CTBP2: variants seen among roughly 807,000 people sequenced by gnomAD.
The protein encoded by CTBP2 is C-terminal binding protein 2.
A neutral mutation model predicts 80.3 loss-of-function variants in CTBP2; 30 were observed. The ratio of observed to expected loss-of-function variants is 0.37; its 90% CI spans 0.28 to 0.51. The LOEUF (loss-of-function observed/expected upper bound fraction) is 0.51. Among genes scored for constraint, CTBP2 ranks in the 20% least tolerant of loss-of-function variants. The probability of loss-of-function intolerance (pLI) is 0.93; values close to 1 mark genes in which losing one functional copy is unlikely to be tolerated. For synonymous variants in CTBP2, 594 were observed against 587.4 expected, an observed-to-expected ratio of 1.01 and a Z score of -0.16; for missense variants, 1,212 against 1,375.3, an observed-to-expected ratio of 0.88 and a Z score of 1.88.
intron 1 of CTBP2, among the ~76,000 whole-genome samples, chr10:125,021,519 G>T (rs1316849010): frequency 6.6e-6 from 1 of 151,920 alleles, no homozygotes; most frequent in African/African-American, 2.4e-5. Context: ...GTGAGGCCAG[G>T]TTCAGGCACT....
intron 1 of CTBP2, among the ~76,000 whole-genome samples, chr10:125,148,162 A>G (rs1330039524): frequency 6.6e-6 from 1 of 152,134 alleles, no homozygotes; most frequent in African/African-American, 2.4e-5. Flanking sequence ...GCCGAGCCTC[A>G]GTGTTTGAAA....
At chr10:125,145,178 G>C (rs953619468) in intron 1 of CTBP2, among the ~76,000 whole-genome samples, 8 of 152,176 alleles carry the variant, frequency 5.3e-5, no homozygotes, top group Non-Finnish European at 1.0e-4. Context: ...GTGTGTGTTG[G>C]GGGAGTGGTT....
intron 1 of CTBP2, among the ~76,000 whole-genome samples, chr10:125,146,163 G>A (rs1374464769): frequency 6.6e-6 from 1 of 152,204 alleles, no homozygotes; most frequent in Non-Finnish European, 1.5e-5. Context: ...AGAAGAGACA[G>A]GGTTTTGCCA....
chr10:124,990,322 C>T (rs542743847), intron 8 of CTBP2, among the ~76,000 whole-genome samples: 4 of 152,138 alleles, frequency 2.6e-5, no homozygotes, highest in African/African-American at 7.2e-5. Flanking sequence ...GGATTACAGG[C>T]GTGAGCCACC....
chr10:125,139,493 G>A (rs569976142), intron 1 of CTBP2, among the ~76,000 whole-genome samples: 1 of 151,940 alleles, frequency 6.6e-6, no homozygotes, highest in South Asian at 2.1e-4. Flanking sequence ...CCCTTTCAAA[G>A]TGATTTAATA....
intron 1 of CTBP2, among the ~76,000 whole-genome samples, chr10:125,134,666 C>T (rs890201850): frequency 2.0e-5 from 3 of 152,068 alleles, no homozygotes; most frequent in African/African-American, 4.8e-5. Flanking sequence ...AGACACGCGG[C>T]GCGGGAGGAC....
chr10:125,138,771 TAC>T (rs1489243093), intron 1 of CTBP2, among the ~76,000 whole-genome samples: 3 of 151,904 alleles, frequency 2.0e-5, no homozygotes, highest in African/African-American at 4.8e-5. Flanking sequence ...GCTCCAGAAC[TAC>T]AGAGTTTCAC....
chr10:125,051,500 T>C lies in CTBP2; in HGVS notation c.-101-12345A>G, dbSNP rs543869834. On this transcript the variant is annotated intron_variant, in intron 2 of 10. Coordinates refer to the CTBP2 transcript ENST00000337195. ...ACTAAAAATACAAAAATTAGCCAGG[T>C]GTGGTGGTGGGCACCTGTAATCCCA... Among the ~76,000 whole-genome samples, 11 of 152,030 alleles carry C rather than the reference T, an allele frequency of 7.2e-5. No homozygotes were observed. The South Asian group carries it at 2.3e-3, about 32-fold the overall frequency.
At chr10:124,995,878 C>T (rs72828982) in intron 4 of CTBP2, among the ~76,000 whole-genome samples, 13,534 of 151,998 alleles carry the variant, frequency 0.089, 801 homozygotes, top group Admixed American at 0.16. Context: ...ACAGGACCCC[C>T]GCCTGCCTTC....
At chr10:125,049,070 C>A (rs1962036340) in intron 2 of CTBP2, among the ~76,000 whole-genome samples, 1 of 150,422 alleles carries the variant, frequency 6.6e-6, no homozygotes, top group South Asian at 2.1e-4. Flanking sequence ...CACACACACA[C>A]ACACACACAC....
At chr10:125,062,243 G>C (rs1163780013) in intron 2 of CTBP2, among the ~76,000 whole-genome samples, 1 of 148,180 alleles carries the variant, frequency 6.7e-6, no homozygotes, top group Non-Finnish European at 1.5e-5. Flanking sequence ...TGAATGGGGG[G>C]ACACAGGGGT....
chr10:125,013,260 G>A (rs1461914345), intron 1 of CTBP2, among the ~76,000 whole-genome samples: 1 of 151,994 alleles, frequency 6.6e-6, no homozygotes, highest in South Asian at 2.1e-4. Flanking sequence ...CCAAGGGGCC[G>A]CCTGGGATAC....
At chr10:125,074,942 A>G (rs1846059894) in intron 2 of CTBP2, among the ~76,000 whole-genome samples, 1 of 152,240 alleles carries the variant, frequency 6.6e-6, no homozygotes, top group Non-Finnish European at 1.5e-5. Context: ...TACGACTTCC[A>G]CAGGCGGAGC....
At chr10:125,031,373 C>T (rs188641967), upstream of CTBP2, among the ~76,000 whole-genome samples, 39 of 149,998 alleles carry the variant, frequency 2.6e-4, no homozygotes, top group Admixed American at 4.7e-4. Context: ...CCTGTAATCC[C>T]AGCTACTCGG....
chr10:125,063,006 G>C (rs1844050686), intron 2 of CTBP2, among the ~76,000 whole-genome samples: 1 of 152,252 alleles, frequency 6.6e-6, no homozygotes, highest in Non-Finnish European at 1.5e-5. Context: ...CAGTGAGCAG[G>C]CTGGGCCTCC....
intron 3 of CTBP2, among the ~76,000 whole-genome samples, chr10:125,038,525 A>T (rs1490390461): frequency 6.6e-6 from 1 of 152,236 alleles, no homozygotes; most frequent in African/African-American, 2.4e-5. Context: ...TTTCATGAAC[A>T]GAACACTTCC....
chr10:124,994,730 C>T, intron 4 of CTBP2, 47 bp from the exon 7 acceptor site: 1 of 1,575,350 alleles, frequency 6.3e-7, no homozygotes, highest in African/African-American at 1.3e-5. Context: ...CAGCCCGCGC[C>T]CCAGCGCTGC....
intron 4 of CTBP2, chr10:124,997,525 T>G (rs1953785554): frequency 5.8e-6 from 1 of 172,456 alleles, no homozygotes; most frequent in Non-Finnish European, 1.3e-5. Context: ...AACCTGGCAT[T>G]TGAAGGCCTT....
intron 2 of CTBP2, among the ~76,000 whole-genome samples, chr10:125,108,710 G>A (rs1172511425): frequency 6.6e-6 from 1 of 152,088 alleles, no homozygotes; most frequent in African/African-American, 2.4e-5. Flanking sequence ...TCCTGCTTCT[G>A]GGGTGGGCTG....
Sources: allele counts gnomAD v4.1 joint callset (sites outside exome capture counted in the v4.1 genomes callset), GRCh38; gene constraint gnomAD v4.1.1; transcripts MANE v1.5; gene names NCBI Gene and HGNC (gene_info 2026-07-23, HGNC 2026-07-21).